Variants in ZFHX3 observed in about 807,000 individuals in gnomAD.
ZFHX3 encodes the protein zinc finger homeobox 3.
In ZFHX3, 42 loss-of-function variants were observed where a neutral mutation model predicts 279.1. The observed-to-expected ratio is 0.15, with a 90% CI of 0.12 to 0.19. ZFHX3 has a LOEUF of 0.19. Among genes scored for constraint, ZFHX3 ranks in the 10% least tolerant of loss-of-function variants. The pLI is 1.00. For missense variants in ZFHX3, 4,981 were observed against 4,754.0 expected, an observed-to-expected ratio of 1.05 and a Z score of -1.40; for synonymous variants, 2,293 against 1,957.8, an observed-to-expected ratio of 1.17 and a Z score of -4.52.
intron 2 of ZFHX3, among the ~76,000 whole-genome samples, chr16:73,661,720 T>C (rs1006404431): frequency 7.2e-5 from 8 of 110,956 alleles, no homozygotes; most frequent in Admixed American, 3.2e-4. Context: ...AGACTCCATC[T>C]CAGAAAAAAA....
At chr16:72,878,219 A>C (rs1000783024) in intron 4 of ZFHX3, among the ~76,000 whole-genome samples, 7 of 152,036 alleles carry the variant, frequency 4.6e-5, no homozygotes, top group Non-Finnish European at 1.0e-4. Context: ...AACAAAAAAA[A>C]CTCACCTACC....
chr16:73,300,306 T>C (rs2015023084), intron 4 of ZFHX3, among the ~76,000 whole-genome samples: 1 of 150,656 alleles, frequency 6.6e-6, no homozygotes, highest in South Asian at 2.1e-4. Context: ...AATGCCCCAT[T>C]ATAGAAAATA....
rs2052910254 is a variant in ZFHX3, at chr16:73,672,166, C to T, written c.-1547+8014G>A. Among the ~76,000 whole-genome samples the T allele has an allele frequency of 5.3e-5, 8 of 152,084 alleles. No individual in the cohort carries two copies. The South Asian group carries it at 1.7e-3, about 32-fold the overall frequency. On this transcript the variant is annotated intron_variant, in intron 2 of 17. Coordinates refer to the ZFHX3 transcript ENST00000641206. Reference sequence around the variant, plus strand: ...GCAGATCAAATCAATTAGAAAAACACCATCTATTATATAATCTTTACTCTG... The same window carrying T: ...GCAGATCAAATCAATTAGAAAAACATCATCTATTATATAATCTTTACTCTG...
intron 1 of ZFHX3, among the ~76,000 whole-genome samples, chr16:73,751,612 T>A (rs937248537): frequency 1.3e-5 from 2 of 152,204 alleles, no homozygotes; most frequent in African/African-American, 4.8e-5. Flanking sequence ...TAACATTTTT[T>A]AAATAAAAAT....
At chr16:73,569,370 A>G (rs11863924) in intron 2 of ZFHX3, among the ~76,000 whole-genome samples, 3,154 of 151,606 alleles carry the variant, frequency 0.021, 121 homozygotes, top group African/African-American at 0.072. Context: ...AATCCTATTA[A>G]GATCATGGCT....
intron 2 of ZFHX3, among the ~76,000 whole-genome samples, chr16:73,550,227 C>T (rs190137848): frequency 2.0e-5 from 3 of 152,180 alleles, no homozygotes; most frequent in Non-Finnish European, 2.9e-5. Flanking sequence ...TTGAGGCAAA[C>T]GGGTATTGGC....
chr16:73,857,169 T>G (rs1961754018), intron 1 of ZFHX3, among the ~76,000 whole-genome samples: 1 of 152,224 alleles, frequency 6.6e-6, no homozygotes, highest in Non-Finnish European at 1.5e-5. Flanking sequence ...GTTATCAACT[T>G]CAGAGTTTTA....
At chr16:73,165,003 T>C (rs1967326161) in intron 5 of ZFHX3, among the ~76,000 whole-genome samples, 1 of 152,202 alleles carries the variant, frequency 6.6e-6, no homozygotes, top group African/African-American at 2.4e-5. Flanking sequence ...TTGACAAGCA[T>C]GGGGATGCAT....
chr16:73,572,091 G>T (rs79415565), intron 2 of ZFHX3, among the ~76,000 whole-genome samples: 5,789 of 149,962 alleles, frequency 0.039, 197 homozygotes, highest in East Asian at 0.11. Context: ...AGGATTTGAG[G>T]AGAATAATTC....
At chr16:72,972,054 G>A (rs1431961488) in intron 1 of ZFHX3, among the ~76,000 whole-genome samples, 1 of 151,710 alleles carries the variant, frequency 6.6e-6, no homozygotes, top group Non-Finnish European at 1.5e-5. Flanking sequence ...ATCACGGCCG[G>A]CTAATTTTTT....
upstream of ZFHX3, chr16:73,060,502 G>A (rs920171765): frequency 6.8e-6 from 1 of 148,146 alleles, no homozygotes; most frequent in African/African-American, 2.5e-5. Context: ...GTGTCTGTCT[G>A]TCTCTCTCTC....
chr16:72,962,563 T>A (rs1206251541), intron 1 of ZFHX3, among the ~76,000 whole-genome samples: 1 of 152,180 alleles, frequency 6.6e-6, no homozygotes, highest in Admixed American at 6.5e-5. Context: ...CTCCTTTCCA[T>A]GCGCACCAGC....
rs1304676742 is a variant in ZFHX3 at position 72,783,732 on chromosome 16, C to CA, written c.*3431dup. On this transcript the variant is annotated 3_prime_UTR_variant, in exon 10 of 10. Coordinates refer to ENST00000268489, the MANE Select transcript of ZFHX3 (RefSeq NM_006885.4). ...CCAACCCACACTATAGGGAGAAAAC[C>CA]AAAAAACGAGTGTCAATGGAGGTGA... 5 of 151,980 alleles carry CA rather than the reference C, an allele frequency of 3.3e-5. No homozygotes were observed. Among genetic ancestry groups the CA allele is most frequent in the Admixed American group, 3.3e-4 (5 of 15,276 alleles). The allele number at this position is 151,980 out of a possible 1,614,324, so 9.4% of individuals were successfully genotyped here.
At chr16:73,713,877 A>T (rs1443416763) in intron 1 of ZFHX3, among the ~76,000 whole-genome samples, 3 of 152,158 alleles carry the variant, frequency 2.0e-5, no homozygotes, top group African/African-American at 7.2e-5. Context: ...TTGGTAGAAC[A>T]AACTGCTTTC....
At chr16:73,818,955 G>C (rs1321785353) in intron 1 of ZFHX3, among the ~76,000 whole-genome samples, 1 of 152,078 alleles carries the variant, frequency 6.6e-6, no homozygotes, top group Non-Finnish European at 1.5e-5. Flanking sequence ...ACTATGCAAG[G>C]AGAACTCAGT....
At position 73,780,069 on chromosome 16, in the gene ZFHX3, A is replaced by G. The variant is rs1456831675; in HGVS notation, c.-1607-99829T>C. ...CATGACTGAGATAGCTTCTGCCACC[A>G]GGGACTCCTTCCTGTAAACCAGCAA... On this transcript the variant is annotated intron_variant, in intron 1 of 17. Transcript: ENST00000641206. Among the ~76,000 whole-genome samples the G allele has an allele frequency of 9.9e-5, 13 of 131,856 alleles. 1 individual carries two copies. The South Asian group carries it at 3.5e-3, about 35-fold the overall frequency. 86.5% of individuals were successfully genotyped at this position (131,856 alleles called of 152,430 possible).
rs149749788 is a variant in ZFHX3, at chr16:73,238,395, G to A, written c.-1104+18652C>T. On this transcript the variant is annotated intron_variant, in intron 5 of 17. Transcript: ENST00000641206. ...TGGTCCACGAGCCCTTCAATTCAGG[G>A]CACCCCAAATCATCCCCAAACCTGC... 7.7e-4 allele frequency among the ~76,000 whole-genome samples: 117 copies of A among 152,088 alleles called. 1 individual carries two copies. The East Asian group carries it at 0.019, about 24-fold the overall frequency.
chr16:73,646,579 G>A (rs1189431764), intron 2 of ZFHX3, among the ~76,000 whole-genome samples: 2 of 151,930 alleles, frequency 1.3e-5, no homozygotes, highest in South Asian at 2.1e-4. Flanking sequence ...AAAAAAGAAA[G>A]GAAAGACAAT....
chr16:73,550,918 A>G (rs1308909465), intron 2 of ZFHX3, among the ~76,000 whole-genome samples: 1 of 152,226 alleles, frequency 6.6e-6, no homozygotes, highest in East Asian at 1.9e-4. Flanking sequence ...AGCTAATTGC[A>G]TTTCCCATTG....
Sources: gnomAD v4.1 joint callset for allele counts (sites outside exome capture counted in the v4.1 genomes callset) on GRCh38, gnomAD v4.1.1 for gene constraint, MANE v1.5 for transcripts, NCBI Gene and HGNC (gene_info 2026-07-23, HGNC 2026-07-21) for gene names.